The following MCC variants were observed in gnomAD, a reference collection of about 807,000 sequenced individuals.
MCC encodes the protein colorectal mutant cancer protein.
In MCC, 90 loss-of-function variants were observed where a neutral mutation model predicts 116.2. The observed-to-expected ratio is 0.77, with a 90% CI of 0.65 to 0.92. The LOEUF is 0.92. Ranked by LOEUF, MCC falls within the 40% of genes least tolerant of loss-of-function variation. MCC has a pLI of 0.00. For missense variants in MCC, 1,516 were observed against 1,312.2 expected, an observed-to-expected ratio of 1.16 and a Z score of -2.40; for synonymous variants, 578 against 510.5, an observed-to-expected ratio of 1.13 and a Z score of -1.78.
intron 3 of MCC, among the ~76,000 whole-genome samples, chr5:113,289,928 G>T (rs964537867): frequency 3.9e-5 from 6 of 152,186 alleles, no homozygotes; most frequent in African/African-American, 1.4e-4. Context: ...TCATTACAAT[G>T]AAGTGTGATT....
chr5:113,398,479 C>CA (rs1769593289), intron 1 of MCC, among the ~76,000 whole-genome samples: 1 of 152,112 alleles, frequency 6.6e-6, no homozygotes, highest in South Asian at 2.1e-4. Flanking sequence ...ACATATATAC[C>CA]ATGGAATACC....
At chr5:113,132,467 C>G (rs1465936142) in intron 5 of MCC, among the ~76,000 whole-genome samples, 2 of 64,026 alleles carry the variant, frequency 3.1e-5, no homozygotes, top group Non-Finnish European at 8.6e-5. Flanking sequence ...CACACACACA[C>G]ACACACACAC....
At chr5:113,212,473 C>T (rs183312469) in intron 3 of MCC, among the ~76,000 whole-genome samples, 58 of 151,356 alleles carry the variant, frequency 3.8e-4, no homozygotes, top group African/African-American at 1.4e-3. Flanking sequence ...CATCTCACAC[C>T]GAAAAAAAAA....
At chr5:113,334,737 C>T (rs1410901807) in intron 3 of MCC, among the ~76,000 whole-genome samples, 1 of 150,712 alleles carries the variant, frequency 6.6e-6, no homozygotes, top group Admixed American at 6.6e-5. Flanking sequence ...ATTACAGGCA[C>T]GCACCACCAC....
At chr5:113,190,688 G>A (rs1379837580) in intron 3 of MCC, among the ~76,000 whole-genome samples, 2 of 152,194 alleles carry the variant, frequency 1.3e-5, no homozygotes, top group African/African-American at 4.8e-5. Flanking sequence ...AGAGATATCC[G>A]AATGGTTTCA....
chr5:113,333,810 T>TACATATATGTACATATGTACATATGTAC (rs778710246), intron 3 of MCC, among the ~76,000 whole-genome samples: 1 of 69,772 alleles, frequency 1.4e-5, no homozygotes, highest in African/African-American at 4.8e-5. Context: ...TGTATATATG[T>TACATATATGTACATATGTACATATGTAC]ATATATGTAC....
chr5:113,189,777 T>A (rs1484460291), intron 3 of MCC, among the ~76,000 whole-genome samples: 1 of 152,228 alleles, frequency 6.6e-6, no homozygotes, highest in Non-Finnish European at 1.5e-5. Flanking sequence ...CATGGATGGA[T>A]ACTACCAAAC....
chr5:113,071,778 G>A (rs1002360408), intron 11 of MCC, among the ~76,000 whole-genome samples: 1 of 152,186 alleles, frequency 6.6e-6, no homozygotes, highest in Admixed American at 6.5e-5. Context: ...CGGGAAGTGT[G>A]ACCCCAAATC....
intron 12 of MCC, among the ~76,000 whole-genome samples, chr5:113,069,965 C>T (rs752316191): frequency 3.5e-4 from 54 of 152,160 alleles, no homozygotes; most frequent in Admixed American, 1.4e-3. Flanking sequence ...GATACCAGCT[C>T]CTCGTTTCAA....
chr5:113,368,609 T>C (rs760957849), intron 2 of MCC, among the ~76,000 whole-genome samples: 5 of 151,822 alleles, frequency 3.3e-5, no homozygotes, highest in Non-Finnish European at 5.9e-5. Flanking sequence ...ATTCTCCGTA[T>C]AGGAGAAAAA....
chr5:113,069,554 A>G (rs1753880369), intron 12 of MCC, among the ~76,000 whole-genome samples: 2 of 152,248 alleles, frequency 1.3e-5, no homozygotes, highest in Non-Finnish European at 2.9e-5. Context: ...GTCAACAGAC[A>G]ATTTCCTTTG....
chr5:113,144,899 A>T (rs1759399551), intron 4 of MCC, among the ~76,000 whole-genome samples: 1 of 152,234 alleles, frequency 6.6e-6, no homozygotes, highest in South Asian at 2.1e-4. Context: ...ACAAAAAATA[A>T]GCGGGAACAA....
chr5:113,309,468 C>T (rs1767085492), intron 3 of MCC, among the ~76,000 whole-genome samples: 1 of 152,202 alleles, frequency 6.6e-6, no homozygotes, highest in South Asian at 2.1e-4. Context: ...TGGTATTTGG[C>T]TTTCTATTCC....
At chr5:113,079,907 A>G (rs1754732454) in intron 11 of MCC, among the ~76,000 whole-genome samples, 1 of 152,268 alleles carries the variant, frequency 6.6e-6, no homozygotes, top group Admixed American at 6.5e-5. Flanking sequence ...CAATCTACCC[A>G]TCTGACAAAG....
At chr5:113,080,519 T>C (rs1561789604) in intron 11 of MCC, among the ~76,000 whole-genome samples, 1 of 152,116 alleles carries the variant, frequency 6.6e-6, no homozygotes, top group Non-Finnish European at 1.5e-5. Context: ...TGGATGAAGC[T>C]GGAAACCATC....
intron 3 of MCC, among the ~76,000 whole-genome samples, chr5:113,200,432 C>G (rs1161685887): frequency 2.6e-5 from 4 of 152,206 alleles, no homozygotes; most frequent in Non-Finnish European, 5.9e-5. Flanking sequence ...GGATACATCA[C>G]TGCCTGCCTG....
intron 3 of MCC, among the ~76,000 whole-genome samples, chr5:113,155,255 T>G (rs188037625): frequency 1.3e-5 from 2 of 152,244 alleles, no homozygotes; most frequent in Non-Finnish European, 2.9e-5. Flanking sequence ...ACTGTGCATA[T>G]GTACCACACT....
intron 6 of MCC, among the ~76,000 whole-genome samples, chr5:113,106,098 C>T (rs927069853): frequency 2.0e-5 from 3 of 152,096 alleles, no homozygotes; most frequent in Admixed American, 6.5e-5. Flanking sequence ...CTCACCCATC[C>T]ACCTTCCCCT....
Position 113,188,549 on chromosome 5 carries a change from C to G in MCC, c.628-37127G>C, listed in dbSNP as rs567202172. ...CATATTTATTAAGTAAAGATGTATT[C>G]AAAACACAAAAGCAGAAAGGGGAAG... On this transcript the variant is annotated intron_variant, in intron 3 of 18. Transcript: ENST00000408903. Among the ~76,000 whole-genome samples, 20 of 152,240 alleles carry G rather than the reference C, an allele frequency of 1.3e-4. No homozygotes were observed. In the East Asian group the frequency reaches 3.7e-3, roughly 28 times the overall value.
Sources: gnomAD v4.1 joint callset for allele counts (sites outside exome capture counted in the v4.1 genomes callset) on GRCh38, gnomAD v4.1.1 for gene constraint, MANE v1.5 for transcripts, NCBI Gene and HGNC (gene_info 2026-07-23, HGNC 2026-07-21) for gene names.